TRIM16: variants seen among roughly 807,000 people sequenced by gnomAD.
TRIM16 encodes the protein tripartite motif containing 16.
A neutral mutation model predicts 50.4 loss-of-function variants in TRIM16; 33 were observed. The ratio of observed to expected loss-of-function variants is 0.65; its 90% CI spans 0.50 to 0.88. The LOEUF (loss-of-function observed/expected upper bound fraction) is 0.88, where lower values mean the gene tolerates loss of function less well. TRIM16 is among the 40% of genes least tolerant of loss of function. TRIM16 has a pLI of 0.00. For synonymous variants in TRIM16, 229 were observed against 270.7 expected (o/e 0.85, Z 1.51); for missense variants, 581 against 686.8 (o/e 0.85, Z 1.72).
At chr17:15,677,108 C>T (rs1988984151) in intron 6 of TRIM16, 68 bp downstream of exon 6, 1 of 930,542 alleles carries the variant, frequency 1.1e-6, no homozygotes, top group Non-Finnish European at 1.3e-6. Flanking sequence ...TTTCTACAGG[C>T]CCGGAGGATT....
intron 3 of TRIM16, chr17:15,681,178 G>A (rs1333155854): frequency 8.0e-6 from 3 of 375,724 alleles, no homozygotes; most frequent in South Asian, 8.7e-5. Flanking sequence ...CAGGATCTGC[G>A]TGAGCCACTG....
At position 15,628,968 on chromosome 17, in the gene TRIM16, C is replaced by G; in HGVS notation, c.1342G>C (p.Gly448Arg). Residue 448 changes from glycine (G) to arginine (R), a missense_variant, in exon 12 of 12, where the codon GGC becomes CGC. Transcript: ENST00000649191. ...AGTYVGLTCK[G>R]IDRKGEERNS... ...CGCTCCTCCCCTTTCCGGTCGATGC[C>G]TTTGCAGGTCAGGCCAACATAGGTG... is the stretch of plus-strand genomic sequence containing the variant. The G allele has an allele frequency of 2.5e-6, 4 of 1,614,220 alleles. No homozygotes were observed. The highest frequency in any genetic ancestry group is 3.4e-6 in the Non-Finnish European group (4 of 1,180,040).
intron 4 of TRIM16, among the ~76,000 whole-genome samples, chr17:15,680,015 C>CT (rs926009108): frequency 2.0e-5 from 3 of 151,860 alleles, no homozygotes; most frequent in Non-Finnish European, 4.4e-5. Flanking sequence ...TATAAGAAGC[C>CT]TTTAAGTTTT....
At chr17:15,666,838 T>C (rs1988521387) in intron 6 of TRIM16, among the ~76,000 whole-genome samples, 2 of 152,262 alleles carry the variant, frequency 1.3e-5, no homozygotes, top group African/African-American at 4.8e-5. Context: ...GGGTTTGTTC[T>C]ACATTTGGGC....
intron 4 of TRIM16, 111 bp from the exon 5 acceptor site, chr17:15,677,832 T>C: frequency 3.4e-6 from 3 of 870,438 alleles, no homozygotes; most frequent in Non-Finnish European, 4.1e-6. Flanking sequence ...ACTCGTATAT[T>C]AAAGAATCTT....
intron 4 of TRIM16, among the ~76,000 whole-genome samples, chr17:15,679,654 C>G (rs564650311): frequency 6.6e-6 from 1 of 152,080 alleles, no homozygotes; most frequent in African/African-American, 2.4e-5. Flanking sequence ...ATAGGCCAAG[C>G]TGGCCGGGCG....
At chr17:15,668,817 T>A (rs965070408) in intron 6 of TRIM16, among the ~76,000 whole-genome samples, 7 of 152,094 alleles carry the variant, frequency 4.6e-5, no homozygotes, top group African/African-American at 1.7e-4. Flanking sequence ...AAGGGAGGAA[T>A]TATTCAATAA....
At chr17:15,672,907 A>T (rs1435680106) in intron 6 of TRIM16, among the ~76,000 whole-genome samples, 6 of 152,210 alleles carry the variant, frequency 3.9e-5, no homozygotes, top group Non-Finnish European at 7.3e-5. Flanking sequence ...TGTCCTCAAA[A>T]TTTTAATATT....
In TRIM16 at chr17:15,670,836, C is replaced by T. The variant is rs1481993397; in HGVS notation, c.-338+6340G>A. Among the ~76,000 whole-genome samples, 3 of 152,370 alleles carry T rather than the reference C, an allele frequency of 2.0e-5. No individual in the cohort carries two copies. In the South Asian group the frequency reaches 6.2e-4, roughly 32 times the overall value. On this transcript the variant is annotated intron_variant, in intron 6 of 11. Transcript: ENST00000649191. ...AATCCTAAGCCATGACTTCACTATA[C>T]AGTTACTGTATTTCTAGGGTTTTGT...
At chr17:15,677,320 GAGAAAGGACCACTCTATTCTC>G in intron 5 of TRIM16, 40 bp from the exon 6 acceptor site, 2 of 981,418 alleles carry the variant, frequency 2.0e-6, no homozygotes, top group Non-Finnish European at 1.2e-6. Context: ...AAGTTCAAAA[GAGAAAGGACCACTCTATTCTC>G]AGTCCCACTC....
At chr17:15,638,217 CTG>C (rs1986937523) in intron 8 of TRIM16, among the ~76,000 whole-genome samples, 3 of 124,794 alleles carry the variant, frequency 2.4e-5, no homozygotes, top group Admixed American at 1.5e-4. Flanking sequence ...AAATCCCCCT[CTG>C]TGAGAAACAC....
At position 15,684,273 on chromosome 17, in the gene TRIM16, G is replaced by C. The variant is rs1211542852; in HGVS notation, c.-976C>G. 6.6e-6 allele frequency: 1 copy of C among 152,164 alleles called. No individual in the cohort carries two copies. Among genetic ancestry groups the C allele is most frequent in the Non-Finnish European group, 1.5e-5 (1 of 68,046 alleles). The allele number at this position is 152,164 out of a possible 1,614,324, so 9.4% of individuals were successfully genotyped here. A position where few individuals can be genotyped will look rare whatever the true frequency, so the allele number is the denominator to read the frequency against. On this transcript the variant is annotated 5_prime_UTR_variant, in exon 1 of 12. Transcript: ENST00000649191. ...TGGGGGACAGGGAGGACACAGACTC[G>C]CCACGCGCGGAGATCCTCCAGAGAA...
intron 6 of TRIM16, among the ~76,000 whole-genome samples, chr17:15,656,547 G>T (rs553130718): frequency 3.5e-4 from 53 of 151,032 alleles, no homozygotes; most frequent in African/African-American, 1.3e-3. Context: ...CCCCTCCCCA[G>T]CCCCTTTGCA....
intron 7 of TRIM16, among the ~76,000 whole-genome samples, chr17:15,644,855 G>T (rs1037090358): frequency 1.3e-5 from 2 of 151,688 alleles, no homozygotes; most frequent in African/African-American, 4.9e-5. Context: ...TCACACTGTC[G>T]TCCAGGCTGG....
intron 6 of TRIM16, among the ~76,000 whole-genome samples, chr17:15,657,139 T>C (rs372275537): frequency 6.6e-6 from 1 of 152,306 alleles, no homozygotes; most frequent in East Asian, 1.9e-4. Context: ...TGTGATAAAA[T>C]ACAGATAAAT....
At chr17:15,636,002 C>T (rs560466359) in intron 9 of TRIM16, 34 bp downstream of exon 9, 1 of 1,607,892 alleles carries the variant, frequency 6.2e-7, no homozygotes, top group African/African-American at 1.4e-5. Context: ...CATGGGGCAG[C>T]TGTGGGATGC....
intron 9 of TRIM16, among the ~76,000 whole-genome samples, chr17:15,634,854 G>A (rs955378610): frequency 4.7e-5 from 7 of 148,652 alleles, no homozygotes; most frequent in South Asian, 4.3e-4. Context: ...GTTACAAAAC[G>A]AGAAAAGAGA....
At chr17:15,683,285 C>T (rs1989256452) in intron 1 of TRIM16, 128 bp from the exon 2 acceptor site, 2 of 737,244 alleles carry the variant, frequency 2.7e-6, no homozygotes, top group South Asian at 3.8e-5. Context: ...AACTCAAGAA[C>T]TTCGGCAGCC....
intron 6 of TRIM16, among the ~76,000 whole-genome samples, chr17:15,663,375 C>T (rs1175443249): frequency 2.0e-5 from 3 of 152,136 alleles, no homozygotes; most frequent in African/African-American, 7.2e-5. Context: ...ATGACACACG[C>T]CCTGCCCATG....
Sources: allele counts gnomAD v4.1 joint callset (sites outside exome capture counted in the v4.1 genomes callset), GRCh38; gene constraint gnomAD v4.1.1; transcripts MANE v1.5; gene names NCBI Gene and HGNC (gene_info 2026-07-23, HGNC 2026-07-21).